Variants in RHOB observed in about 807,000 individuals in gnomAD.
RHOB encodes ras homolog family member B.
Under a neutral mutation model 12.9 loss-of-function variants are expected in RHOB, and 6 were observed. That is an observed-to-expected ratio of 0.47 (90% CI 0.25 to 0.92). RHOB has a LOEUF of 0.92. Among genes scored for constraint, RHOB ranks in the 40% least tolerant of loss-of-function variants. RHOB has a pLI of 0.16. For missense variants in RHOB, 142 were observed against 277.9 expected, an observed-to-expected ratio of 0.51 and a Z score of 3.48; for synonymous variants, 168 against 122.1, an observed-to-expected ratio of 1.38 and a Z score of -2.48.
In RHOB at chr2:20,448,129, A is replaced by G. The variant is rs1691037628; in HGVS notation, c.*73A>G. ...GGACCAGTCCCCCGCGAGCCCGGAGAAGGGGAGACCCGTGTCCCACAAGGA... is the reference window on the plus strand; with the variant it reads ...GGACCAGTCCCCCGCGAGCCCGGAGGAGGGGAGACCCGTGTCCCACAAGGA... On this transcript the variant is annotated 3_prime_UTR_variant, in exon 1 of 1. Transcript: ENST00000272233. 1 of 1,319,466 alleles carries G rather than the reference A, an allele frequency of 7.6e-7. No homozygotes were observed. Among genetic ancestry groups the G allele is most frequent in the Middle Eastern group, 2.0e-4 (1 of 5,038 alleles). The allele number at this position is 1,319,466 out of a possible 1,614,324, so 81.7% of individuals were successfully genotyped here.
In RHOB at chr2:20,447,567, C is replaced by T. The variant is rs201715144; in HGVS notation, c.102C>T (p.Tyr34=). The change falls in exon 1 of 1, where the codon TAC becomes TAT. Residue 34 remains tyrosine (Y), a synonymous_variant. Transcript: ENST00000272233. ...GTAAGGACGAGTTCCCCGAGGTGTA[C>T]GTGCCCACCGTCTTCGAGAACTATG... ...VFSKDEFPEV[Y]VPTVFENYVA... 34 of 1,613,944 alleles carry T rather than the reference C, an allele frequency of 2.1e-5. No individual in the cohort carries two copies. The highest frequency in any genetic ancestry group is 1.6e-4 in the Middle Eastern group (1 of 6,084).
Position 20,448,214 on chromosome 2 carries a change from G to A in RHOB, c.*158G>A. The stretch of plus-strand genomic sequence containing the variant: ...CCTCTGGCTTGCGCCAGGACTTGGC[G>A]TGGGCACCGGGCGCCCCCATCCCAG... On this transcript the variant is annotated 3_prime_UTR_variant, in exon 1 of 1. Coordinates refer to ENST00000272233, the MANE Select transcript of RHOB (RefSeq NM_004040.4). 1.5e-6 allele frequency: 1 copy of A among 686,018 alleles called. No homozygotes were observed. Among genetic ancestry groups the A allele is most frequent in the Non-Finnish European group, 2.5e-6 (1 of 402,294 alleles). 42.5% of individuals were successfully genotyped at this position (686,018 alleles called of 1,614,324 possible). A position where few individuals can be genotyped will look rare whatever the true frequency, so the allele number is the denominator to read the frequency against.
chr2:20,449,321 T>C lies in RHOB; in HGVS notation c.*1265T>C, dbSNP rs979606834. On this transcript the variant is annotated 3_prime_UTR_variant, in exon 1 of 1. Coordinates refer to ENST00000272233, the MANE Select transcript of RHOB (RefSeq NM_004040.4). ...TACTAAATTGTTGTCTTGTTTTTTA[T>C]TTTTTAAATAAACTGACAAATGACA... The C allele has an allele frequency of 5.4e-5, 9 of 167,042 alleles. No individual in the cohort carries two copies. Among genetic ancestry groups the C allele is most frequent in the African/African-American group, 2.2e-4 (9 of 41,448 alleles). The allele number at this position is 167,042 out of a possible 1,614,324, so 10.3% of individuals were successfully genotyped here. A position where few individuals can be genotyped will look rare whatever the true frequency, so the allele number is the denominator to read the frequency against.
In RHOB at chr2:20,448,109, A is replaced by G; in HGVS notation, c.*53A>G. 1 of 1,477,476 alleles carries G rather than the reference A, an allele frequency of 6.8e-7. No homozygotes were observed. Among genetic ancestry groups the G allele is most frequent in the Non-Finnish European group, 9.2e-7 (1 of 1,084,616 alleles). 91.5% of individuals were successfully genotyped at this position (1,477,476 alleles called of 1,614,324 possible). A position where few individuals can be genotyped will look rare whatever the true frequency, so the allele number is the denominator to read the frequency against. ...CCGGCACGGCTCCCCCTCCTGGACC[A>G]GTCCCCCGCGAGCCCGGAGAAGGGG... On this transcript the variant is annotated 3_prime_UTR_variant, in exon 1 of 1. Transcript: ENST00000272233.
rs112622561 is a variant in RHOB at position 20,448,363 on chromosome 2, C to T, written c.*307C>T. 25,105 of 374,860 alleles carry T rather than the reference C, an allele frequency of 0.067. 1,081 individuals are homozygous for T. Among genetic ancestry groups the T allele is most frequent in the Middle Eastern group, 0.13 (172 of 1,310 alleles). 23.2% of individuals were successfully genotyped at this position (374,860 alleles called of 1,614,324 possible). A position where few individuals can be genotyped will look rare whatever the true frequency, so the allele number is the denominator to read the frequency against. The stretch of plus-strand genomic sequence containing the variant: ...GTGTGGCTGTGTGTCTGTTCGACTC[C>T]CCTCGCCCCATTTTCACCCCACCCC... On this transcript the variant is annotated 3_prime_UTR_variant, in exon 1 of 1. Coordinates refer to ENST00000272233, the MANE Select transcript of RHOB (RefSeq NM_004040.4).
Position 20,447,265 on chromosome 2 carries a change from G to T in RHOB, c.-201G>T, listed in dbSNP as rs566059207. On this transcript the variant is annotated 5_prime_UTR_variant, in exon 1 of 1. Coordinates refer to ENST00000272233, the MANE Select transcript of RHOB (RefSeq NM_004040.4). ...CCGGGAGCAGCGCGGCGAGACGCAC[G>T]GTGCGCCCTATGCCCCCGCGCCCCC... 5.0e-6 allele frequency: 2 copies of T among 400,540 alleles called. No homozygotes were observed. The highest frequency in any genetic ancestry group is 8.7e-6 in the Non-Finnish European group (2 of 229,844). 24.8% of individuals were successfully genotyped at this position (400,540 alleles called of 1,614,324 possible).
Position 20,447,238 on chromosome 2 carries a change from G to A in RHOB, c.-228G>A, listed in dbSNP as rs1476630105. 1.3e-5 allele frequency: 5 copies of A among 378,856 alleles called. No homozygotes were observed. The highest frequency in any genetic ancestry group is 2.1e-5 in the African/African-American group (1 of 47,276). The allele number at this position is 378,856 out of a possible 1,614,324, so 23.5% of individuals were successfully genotyped here. ...GCCTGGGGTGAGCAGAGCGACCACCGCCCGGGAGCAGCGCGGCGAGACGCA... is the reference window on the plus strand; with the variant it reads ...GCCTGGGGTGAGCAGAGCGACCACCACCCGGGAGCAGCGCGGCGAGACGCA... On this transcript the variant is annotated 5_prime_UTR_variant, in exon 1 of 1. Coordinates refer to ENST00000272233, the MANE Select transcript of RHOB (RefSeq NM_004040.4).
rs866671679 is a variant in RHOB at position 20,447,286 on chromosome 2, C to A, written c.-180C>A. On this transcript the variant is annotated 5_prime_UTR_variant, in exon 1 of 1. Coordinates refer to ENST00000272233, the MANE Select transcript of RHOB (RefSeq NM_004040.4). ...GCACGGTGCGCCCTATGCCCCCGCG[C>A]CCCCACCGCCCCCGCCGCGGCAGCC... The A allele has an allele frequency of 4.4e-6, 2 of 449,562 alleles. No individual in the cohort carries two copies. Among genetic ancestry groups the A allele is most frequent in the Non-Finnish European group, 7.6e-6 (2 of 262,948 alleles). 27.8% of individuals were successfully genotyped at this position (449,562 alleles called of 1,614,324 possible).
At position 20,448,753 on chromosome 2, in the gene RHOB, G is replaced by C. The variant is rs984834809; in HGVS notation, c.*697G>C. 6.0e-6 allele frequency: 1 copy of C among 167,002 alleles called. No individual in the cohort carries two copies. The highest frequency in any genetic ancestry group is 6.5e-5 in the Admixed American group (1 of 15,280). The allele number at this position is 167,002 out of a possible 1,614,324, so 10.3% of individuals were successfully genotyped here. On this transcript the variant is annotated 3_prime_UTR_variant, in exon 1 of 1. Transcript: ENST00000272233. The stretch of plus-strand genomic sequence containing the variant: ...AGCCTCTCCTGCGGGCCAGCCCGCT[G>C]CGAACCCTCCACCAGCTACCGGAGG...
In RHOB at chr2:20,447,138, GGA is replaced by G. The variant is rs1013874370; in HGVS notation, c.-322_-321del. On this transcript the variant is annotated 5_prime_UTR_variant, in exon 1 of 1. The change abolishes the stop of an existing upstream ORF in the 5' untranslated region. Coordinates refer to ENST00000272233, the MANE Select transcript of RHOB (RefSeq NM_004040.4). ...GCTCAGCGAGGCCCGGAGAGACCCG[GGA>G]GAGAGCTAGGCCGAGTCCACCGCCC... 1.8e-4 allele frequency: 49 copies of G among 265,612 alleles called. No homozygotes were observed. Among genetic ancestry groups the G allele is most frequent in the African/African-American group, 9.3e-4 (42 of 45,046 alleles). The allele number at this position is 265,612 out of a possible 1,614,324, so 16.5% of individuals were successfully genotyped here.
chr2:20,448,302 CT>C lies in RHOB; in HGVS notation c.*247del, dbSNP rs1691041664. The C allele has an allele frequency of 9.1e-6, 5 of 548,868 alleles. No homozygotes were observed. In the Admixed American group the frequency reaches 1.1e-4, roughly 12 times the overall value. The allele number at this position is 548,868 out of a possible 1,614,324, so 34.0% of individuals were successfully genotyped here. A position where few individuals can be genotyped will look rare whatever the true frequency, so the allele number is the denominator to read the frequency against. ...CTCCCCACTGAGTGCCAAGGGTCCC[CT>C]GAGCATGCTTTTCTGAAGAGCCGGG... On this transcript the variant is annotated 3_prime_UTR_variant, in exon 1 of 1. Transcript: ENST00000272233.
At position 20,448,146 on chromosome 2, in the gene RHOB, C is replaced by T; in HGVS notation, c.*90C>T. 1.8e-6 allele frequency: 2 copies of T among 1,134,870 alleles called. No individual in the cohort carries two copies. The highest frequency in any genetic ancestry group is 2.6e-5 in the Admixed American group (1 of 38,566). The allele number at this position is 1,134,870 out of a possible 1,614,324, so 70.3% of individuals were successfully genotyped here. On this transcript the variant is annotated 3_prime_UTR_variant, in exon 1 of 1. Coordinates refer to ENST00000272233, the MANE Select transcript of RHOB (RefSeq NM_004040.4). ...GCCCGGAGAAGGGGAGACCCGTGTC[C>T]CACAAGGACCCCACCGGCCTGCCTG...
In RHOB at chr2:20,448,449, C is replaced by G. The variant is rs1048401573; in HGVS notation, c.*393C>G. 4.6e-6 allele frequency: 1 copy of G among 219,476 alleles called. No homozygotes were observed. The allele number at this position is 219,476 out of a possible 1,614,324, so 13.6% of individuals were successfully genotyped here. The stretch of plus-strand genomic sequence containing the variant: ...GTGTGGCCGCGCCCCATCAGATGTT[C>G]GCCCTTCACCAGCGGGAGCTTGATA... On this transcript the variant is annotated 3_prime_UTR_variant, in exon 1 of 1. Transcript: ENST00000272233.
In RHOB at chr2:20,448,071, G is replaced by A. The variant is rs1691035593; in HGVS notation, c.*15G>A. ...AGGTGCTATGAGGGCCGCGCCCGTCGCGCCTGCCCCTGCCGGCACGGCTCC... is the reference window on the plus strand; with the variant it reads ...AGGTGCTATGAGGGCCGCGCCCGTCACGCCTGCCCCTGCCGGCACGGCTCC... On this transcript the variant is annotated 3_prime_UTR_variant, in exon 1 of 1. Coordinates refer to ENST00000272233, the MANE Select transcript of RHOB (RefSeq NM_004040.4). 6.3e-7 allele frequency: 1 copy of A among 1,589,634 alleles called. No individual in the cohort carries two copies. Among genetic ancestry groups the A allele is most frequent in the Non-Finnish European group, 8.6e-7 (1 of 1,165,570 alleles).
chr2:20,448,384 A>T lies in RHOB; in HGVS notation c.*328A>T. 1 of 274,884 alleles carries T rather than the reference A, an allele frequency of 3.6e-6. No individual in the cohort carries two copies. Among genetic ancestry groups the T allele is most frequent in the Non-Finnish European group, 7.2e-6 (1 of 138,820 alleles). 17.0% of individuals were successfully genotyped at this position (274,884 alleles called of 1,614,324 possible). ...ACTCCCCTCGCCCCATTTTCACCCC[A>T]CCCCCGCCTCTGATCCCCGGGGGCG... On this transcript the variant is annotated 3_prime_UTR_variant, in exon 1 of 1. Coordinates refer to ENST00000272233, the MANE Select transcript of RHOB (RefSeq NM_004040.4).
At position 20,447,516 on chromosome 2, in the gene RHOB, C is replaced by T. The variant is rs1053696151; in HGVS notation, c.51C>T (p.Gly17=). 1 of 1,613,726 alleles carries T rather than the reference C, an allele frequency of 6.2e-7. No individual in the cohort carries two copies. Among genetic ancestry groups the T allele is most frequent in the Non-Finnish European group, 8.5e-7 (1 of 1,179,896 alleles). ...TGGTGGTGGGCGACGGCGCGTGTGG[C>T]AAGACGTGCCTGCTGATCGTGTTCA... The part of the protein sequence containing the change: ...KLVVVGDGAC[G]KTCLLIVFSK... The change falls in exon 1 of 1, where the codon GGC becomes GGT. Residue 17 remains glycine, a synonymous_variant. Coordinates refer to ENST00000272233, the MANE Select transcript of RHOB (RefSeq NM_004040.4).
In RHOB at chr2:20,447,321, C is replaced by G. The variant is rs535094023; in HGVS notation, c.-145C>G. 3 of 546,540 alleles carry G rather than the reference C, an allele frequency of 5.5e-6. No individual in the cohort carries two copies. In the African/African-American group the frequency reaches 6.0e-5, roughly 11 times the overall value. The allele number at this position is 546,540 out of a possible 1,614,324, so 33.9% of individuals were successfully genotyped here. On this transcript the variant is annotated 5_prime_UTR_variant, in exon 1 of 1. Transcript: ENST00000272233. Reference sequence around the variant, plus strand: ...CCCCGCCGCGGCAGCCGAAGCGCAGCGAGAGAACGCGCCACCGCGGGGCCC... The same window carrying G: ...CCCCGCCGCGGCAGCCGAAGCGCAGGGAGAGAACGCGCCACCGCGGGGCCC...
At position 20,447,749 on chromosome 2, in the gene RHOB, TC is replaced by T; in HGVS notation, c.288del (p.Glu97ArgfsTer7). The stretch of plus-strand genomic sequence containing the variant: ...GACAGCCCGGACTCGCTGGAGAACA[TC>T]CCCGAGAAGTGGGTCCCCGAGGTGA... ...SVDSPDSLEN[I>X]PEKWVPEVKH... On this transcript the variant is annotated frameshift_variant, in exon 1 of 1. Coordinates refer to ENST00000272233, the MANE Select transcript of RHOB (RefSeq NM_004040.4). LOFTEE classifies it high-confidence loss of function. 1 of 1,613,526 alleles carries T rather than the reference TC, an allele frequency of 6.2e-7. No individual in the cohort carries two copies. The highest frequency in any genetic ancestry group is 8.5e-7 in the Non-Finnish European group (1 of 1,179,922).
Position 20,448,302 on chromosome 2 carries a change from C to T in RHOB, c.*246C>T. 1.8e-6 allele frequency: 1 copy of T among 548,868 alleles called. No individual in the cohort carries two copies. Among genetic ancestry groups the T allele is most frequent in the Non-Finnish European group, 3.3e-6 (1 of 301,422 alleles). 34.0% of individuals were successfully genotyped at this position (548,868 alleles called of 1,614,324 possible). Reference sequence around the variant, plus strand: ...CTCCCCACTGAGTGCCAAGGGTCCCCTGAGCATGCTTTTCTGAAGAGCCGG... The same window carrying T: ...CTCCCCACTGAGTGCCAAGGGTCCCTTGAGCATGCTTTTCTGAAGAGCCGG... On this transcript the variant is annotated 3_prime_UTR_variant, in exon 1 of 1. Coordinates refer to ENST00000272233, the MANE Select transcript of RHOB (RefSeq NM_004040.4).
Sources: allele counts gnomAD v4.1 joint callset, GRCh38; gene constraint gnomAD v4.1.1; transcripts MANE v1.5; gene names NCBI Gene and HGNC (gene_info 2026-07-23, HGNC 2026-07-21).